The following DENND2B variants were observed in gnomAD, a reference collection of about 807,000 sequenced individuals.
DENND2B encodes DENN domain containing 2B.
A neutral mutation model predicts 116.0 loss-of-function variants in DENND2B; 32 were observed. The ratio of observed to expected loss-of-function variants is 0.28; its 90% confidence interval spans 0.21 to 0.37. DENND2B has a LOEUF of 0.37. Among genes scored for constraint, DENND2B ranks in the 10% least tolerant of loss-of-function variants. The probability of loss-of-function intolerance (pLI) is 1.00; values close to 1 mark genes in which losing one functional copy is unlikely to be tolerated. For missense variants in DENND2B, 1,276 were observed against 1,477.7 expected, an observed-to-expected ratio of 0.86 and a Z score of 2.24; for synonymous variants, 588 against 583.9, an observed-to-expected ratio of 1.01 and a Z score of -0.10.
intron 1 of DENND2B, among the ~76,000 whole-genome samples, chr11:8,806,207 C>A (rs1459899563): frequency 6.6e-6 from 1 of 152,182 alleles, no homozygotes; most frequent in Non-Finnish European, 1.5e-5. Flanking sequence ...CAGTTTATCT[C>A]ATTTTTTCCC....
chr11:8,707,415 C>T lies in DENND2B; in HGVS notation c.2431-190G>A. 1.3e-6 allele frequency: 1 copy of T among 766,032 alleles called. No individual in the cohort carries two copies. The highest frequency in any genetic ancestry group is 2.0e-6 in the Non-Finnish European group (1 of 493,422). 47.5% of individuals were successfully genotyped at this position (766,032 alleles called of 1,614,324 possible). A position where few individuals can be genotyped will look rare whatever the true frequency, so the allele number is the denominator to read the frequency against. Reference sequence around the variant, plus strand: ...CTTGGCACTCAGTGACTCCTCTGTTCCCTAACTGGCCTTGCTTCAGTCCCC... The same window carrying T: ...CTTGGCACTCAGTGACTCCTCTGTTTCCTAACTGGCCTTGCTTCAGTCCCC... On this transcript the variant is annotated intron_variant, in intron 12 of 19. Coordinates refer to ENST00000313726, the MANE Select transcript of DENND2B (RefSeq NM_213618.2). This position sits in a 1 kb window ranked among gnomAD's most constrained non-coding sequence, Gnocchi z 4.8.
intron 2 of DENND2B, among the ~76,000 whole-genome samples, chr11:8,744,380 C>T (rs1288339008): frequency 2.6e-5 from 4 of 152,040 alleles, no homozygotes; most frequent in South Asian, 4.1e-4. Flanking sequence ...GTGATCCACC[C>T]GCCTCGGCCT....
At chr11:8,874,499 G>C (rs2063822667), upstream of DENND2B, among the ~76,000 whole-genome samples, 1 of 152,092 alleles carries the variant, frequency 6.6e-6, no homozygotes, top group East Asian at 1.9e-4. Context: ...GGCATGTTTT[G>C]TTTTTTCCTT....
intron 2 of DENND2B, among the ~76,000 whole-genome samples, chr11:8,862,084 G>A (rs933194934): frequency 2.0e-5 from 3 of 151,542 alleles, no homozygotes; most frequent in Non-Finnish European, 2.9e-5. Context: ...CTACATATTG[G>A]GTACCATGTA....
intron 2 of DENND2B, among the ~76,000 whole-genome samples, chr11:8,743,320 CG>C (rs1318277503): frequency 6.6e-6 from 1 of 151,420 alleles, no homozygotes; most frequent in Non-Finnish European, 1.5e-5. Context: ...GAGGCTGAGG[CG>C]GGTGGATCAC....
At position 8,707,057 on chromosome 11, in the gene DENND2B, C is replaced by G. The variant is rs777808666; in HGVS notation, c.2571+28G>C. 1.9e-6 allele frequency: 3 copies of G among 1,600,544 alleles called. No homozygotes were observed. Among genetic ancestry groups the G allele is most frequent in the African/African-American group, 1.3e-5 (1 of 74,880 alleles). On this transcript the variant is annotated intron_variant, in intron 13 of 19. Transcript: ENST00000313726. The surrounding 1 kb of genome is among the most constrained non-coding windows in gnomAD (Gnocchi z 4.8). ...CCTCCTGCCACCCCAGCCCGTAGCC[C>G]GAGAGAAGAGGGTGCAGAAATCCCT... is the stretch of plus-strand genomic sequence containing the variant.
chr11:8,774,384 T>C (rs1026721452), intron 1 of DENND2B: 2 of 939,528 alleles, frequency 2.1e-6, no homozygotes, highest in African/African-American at 1.8e-5. Flanking sequence ...TTCTCCTTCC[T>C]GCTTTCCCTT....
chr11:8,805,469 C>G (rs916772689), intron 1 of DENND2B, among the ~76,000 whole-genome samples: 1 of 152,156 alleles, frequency 6.6e-6, no homozygotes, highest in Non-Finnish European at 1.5e-5. Context: ...TCCAACTTTC[C>G]CATTTCCCCT....
intron 4 of DENND2B, among the ~76,000 whole-genome samples, chr11:8,720,033 C>T (rs2045880831): frequency 6.6e-6 from 1 of 152,126 alleles, no homozygotes; most frequent in South Asian, 2.1e-4. Flanking sequence ...ACATTAGCAT[C>T]TCCTTAGCTA....
chr11:8,739,456 C>T (rs2049793246), intron 2 of DENND2B, among the ~76,000 whole-genome samples: 2 of 152,260 alleles, frequency 1.3e-5, no homozygotes, highest in Admixed American at 1.3e-4. Context: ...TGACGCAAAT[C>T]TCTAACAGTG....
Position 8,702,651 on chromosome 11 carries a change from G to C in DENND2B, c.2641C>G (p.Leu881Val). 1 of 1,613,970 alleles carries C rather than the reference G, an allele frequency of 6.2e-7. No homozygotes were observed. The change falls in exon 14 of 20, where the codon CTC becomes GTC. Residue 881 changes from leucine to valine, a missense_variant. By Grantham distance (32) the Leu-to-Val change is conservative. Around this residue, in one of 2 missense-constraint regions of DENND2B, gnomAD observed 420 missense variants for 631.1 expected, o/e 0.67. Transcript: ENST00000313726. The surrounding 1 kb of genome is among the most constrained non-coding windows in gnomAD (Gnocchi z 4.6). Reference sequence around the variant, plus strand: ...ATTCGGATGAGCTGGCGCACACTGAGGCAGGTAAAAAGGCACTCAAAGTCC... The same window carrying C: ...ATTCGGATGAGCTGGCGCACACTGACGCAGGTAAAAAGGCACTCAAAGTCC... ...HVDFECLFTC[L>V]SVRQLIRIFA...
At position 8,717,855 on chromosome 11, in the gene DENND2B, G is replaced by A. The variant is rs770424864; in HGVS notation, c.1515C>T (p.Asp505=). ...LPKENPYEDV[D]LKSRRAGRKS... The stretch of plus-strand genomic sequence containing the variant: ...TTCGTCCTGCTCTTCGGCTCTTTAA[G>A]TCCACATCCTCATATGGATTCTCCT... The change falls in exon 5 of 20, where the codon GAC becomes GAT. Residue 505 remains aspartate (D), a synonymous_variant. Coordinates refer to ENST00000313726, the MANE Select transcript of DENND2B (RefSeq NM_213618.2). The A allele has an allele frequency of 1.2e-6, 2 of 1,613,150 alleles. No homozygotes were observed. The highest frequency in any genetic ancestry group is 1.7e-6 in the Non-Finnish European group (2 of 1,179,506).
rs764946573 is a variant in DENND2B at position 8,713,976 on chromosome 11, A to G, written c.1987+22T>C. The G allele has an allele frequency of 2.0e-5, 33 of 1,613,406 alleles. No individual in the cohort carries two copies. The South Asian group carries it at 3.6e-4, about 18-fold the overall frequency. On this transcript the variant is annotated intron_variant, in intron 8 of 19. Transcript: ENST00000313726. ...GCAGCCCTGCTGGGAGAGCTTCCGTACTCATGGGAGCTGTGCCTCACCTTT... is the reference window on the plus strand; with the variant it reads ...GCAGCCCTGCTGGGAGAGCTTCCGTGCTCATGGGAGCTGTGCCTCACCTTT...
chr11:8,889,193 A>G (rs1199704128), intron 1 of DENND2B, among the ~76,000 whole-genome samples: 1 of 152,266 alleles, frequency 6.6e-6, no homozygotes, highest in Non-Finnish European at 1.5e-5. Context: ...CCATCAATGG[A>G]TGAATGGATA....
chr11:8,837,342 T>C (rs2062468705), intron 4 of DENND2B, among the ~76,000 whole-genome samples: 1 of 150,234 alleles, frequency 6.7e-6, no homozygotes, highest in Non-Finnish European at 1.5e-5. Context: ...ACCTACTCAG[T>C]TGTTTCCCTT....
chr11:8,767,073 C>T (rs79120406), intron 1 of DENND2B, among the ~76,000 whole-genome samples: 6 of 152,160 alleles, frequency 3.9e-5, no homozygotes, highest in African/African-American at 1.2e-4. Context: ...CCTCACCTAT[C>T]GCCTGAGCCC....
intron 1 of DENND2B, among the ~76,000 whole-genome samples, chr11:8,775,256 C>G (rs1235458493): frequency 6.6e-6 from 1 of 151,984 alleles, no homozygotes; most frequent in African/African-American, 2.4e-5. Flanking sequence ...GCTCTGATGT[C>G]GTGTTATCTC....
chr11:8,749,843 T>TA lies in DENND2B; in HGVS notation c.80+777dup, dbSNP rs1235518714. On this transcript the variant is annotated intron_variant, in intron 2 of 19. Transcript: ENST00000313726. ...GGTACACAGCTTTAATAAAAAAGAC[T>TA]AAAGGTTCTTTTAAGATATCAGTGT... Among the ~76,000 whole-genome samples, 4 of 152,268 alleles carry TA rather than the reference T, an allele frequency of 2.6e-5. No homozygotes were observed. The East Asian group carries it at 7.7e-4, about 29-fold the overall frequency.
intron 13 of DENND2B, chr11:8,703,005 A>T: frequency 2.4e-6 from 1 of 423,558 alleles, no homozygotes; most frequent in Non-Finnish European, 4.3e-6. Context: ...TCAGGAAGAG[A>T]GGAGAGCTGA....
Sources: allele counts gnomAD v4.1 joint callset (sites outside exome capture counted in the v4.1 genomes callset), GRCh38; gene constraint gnomAD v4.1.1; regional missense constraint gnomAD v4.1.1; non-coding constraint Gnocchi (gnomAD v3.1); transcripts MANE v1.5; gene names NCBI Gene and HGNC (gene_info 2026-07-23, HGNC 2026-07-21).